Variants in ACAD11 observed in about 807,000 individuals in gnomAD.
ACAD11 encodes acyl-Coenzyme A dehydrogenase family, member 11.
In ACAD11, 83 loss-of-function variants were observed where a neutral mutation model predicts 102.2. The observed-to-expected ratio is 0.81, with a 90% CI of 0.68 to 0.97. The LOEUF is 0.97. Among genes scored for constraint, ACAD11 ranks in the 50% least tolerant of loss-of-function variants. The probability of loss-of-function intolerance (pLI) is 0.00; values close to 1 mark genes in which losing one functional copy is unlikely to be tolerated. For missense variants in ACAD11, 901 were observed against 951.7 expected (o/e 0.95, Z 0.70); for synonymous variants, 324 against 319.8 (o/e 1.01, Z -0.14).
chr3:132,619,845 T>C (rs1288297905), intron 9 of ACAD11, among the ~76,000 whole-genome samples: 1 of 152,182 alleles, frequency 6.6e-6, no homozygotes, highest in Admixed American at 6.5e-5. Context: ...GGTAAAATAT[T>C]AAAAATAGTT....
intron 13 of ACAD11, among the ~76,000 whole-genome samples, chr3:132,595,626 T>A (rs1391666170): frequency 6.6e-6 from 1 of 152,006 alleles, no homozygotes; most frequent in Admixed American, 6.6e-5. Flanking sequence ...TATTAAAAAG[T>A]GGGCAAAGGA....
intron 13 of ACAD11, among the ~76,000 whole-genome samples, chr3:132,596,179 G>A (rs1470066079): frequency 2.6e-5 from 4 of 152,102 alleles, no homozygotes; most frequent in African/African-American, 7.2e-5. Flanking sequence ...CTAACAAAGG[G>A]ACAGAAAGCT....
intron 13 of ACAD11, among the ~76,000 whole-genome samples, chr3:132,598,638 G>A (rs1938420541): frequency 6.6e-6 from 1 of 152,188 alleles, no homozygotes; most frequent in Non-Finnish European, 1.5e-5. Context: ...TATTGAGTAG[G>A]AATTGGCCCT....
chr3:132,567,698 A>G (rs1471983173), intron 17 of ACAD11, among the ~76,000 whole-genome samples: 1 of 152,206 alleles, frequency 6.6e-6, no homozygotes, highest in East Asian at 1.9e-4. Context: ...GAAGAAATGT[A>G]TATCAAATAT....
intron 1 of ACAD11, among the ~76,000 whole-genome samples, chr3:132,658,102 A>G (rs974473458): frequency 3.9e-5 from 6 of 152,116 alleles, no homozygotes; most frequent in African/African-American, 1.2e-4. Context: ...ACCTCAAGTG[A>G]TCCACGTGCC....
intron 17 of ACAD11, among the ~76,000 whole-genome samples, chr3:132,570,378 A>G (rs1937339520): frequency 6.6e-6 from 1 of 152,188 alleles, no homozygotes; most frequent in African/African-American, 2.4e-5. Context: ...AAAAATGTTC[A>G]TCAAGATGAG....
intron 5 of ACAD11, among the ~76,000 whole-genome samples, chr3:132,636,409 T>C (rs1048460323): frequency 2.6e-5 from 4 of 152,184 alleles, no homozygotes; most frequent in Admixed American, 6.5e-5. Context: ...TTTTACACCA[T>C]TGAATTTTAT....
chr3:132,602,947 T>G (rs939751659), intron 13 of ACAD11, among the ~76,000 whole-genome samples: 7 of 151,948 alleles, frequency 4.6e-5, no homozygotes, highest in African/African-American at 1.7e-4. Flanking sequence ...GGATTACAGG[T>G]GCCTGTCACC....
chr3:132,603,732 T>C (rs1938716272), intron 12 of ACAD11, among the ~76,000 whole-genome samples: 1 of 152,246 alleles, frequency 6.6e-6, no homozygotes, highest in African/African-American at 2.4e-5. Flanking sequence ...CAATTTCTAA[T>C]GTGCCTTGCA....
At chr3:132,610,856 C>T (rs1939103962) in intron 11 of ACAD11, among the ~76,000 whole-genome samples, 1 of 152,150 alleles carries the variant, frequency 6.6e-6, no homozygotes, top group Admixed American at 6.5e-5. Flanking sequence ...AGAGGGAATC[C>T]TCCCTAACTC....
intron 4 of ACAD11, among the ~76,000 whole-genome samples, chr3:132,641,740 AT>A (rs1940532658): frequency 6.6e-6 from 1 of 152,072 alleles, no homozygotes; most frequent in Non-Finnish European, 1.5e-5. Flanking sequence ...AAAAAACTGT[AT>A]AGTTAAAAGT....
intron 13 of ACAD11, among the ~76,000 whole-genome samples, chr3:132,582,147 AC>A (rs1387116427): frequency 1.3e-5 from 2 of 152,016 alleles, no homozygotes; most frequent in African/African-American, 2.4e-5. Flanking sequence ...AAATAAAAAA[AC>A]AACAAAAAAC....
chr3:132,605,000 G>A, intron 12 of ACAD11, 98 bp downstream of exon 12: 1 of 916,978 alleles, frequency 1.1e-6, no homozygotes, highest in East Asian at 2.6e-5. Context: ...TGGCAAATTT[G>A]ACTGAAACAC....
intron 1 of ACAD11, 166 bp downstream of exon 1, chr3:132,659,437 C>T: frequency 1.1e-6 from 1 of 922,702 alleles, no homozygotes; most frequent in Non-Finnish European, 1.6e-6. Context: ...CCCCCAGCAT[C>T]GAATTCGGAG....
Position 132,611,384 on chromosome 3 carries a change from CAGG to C in ACAD11, c.1415-6182_1415-6180del, listed in dbSNP as rs1253474365. Among the ~76,000 whole-genome samples the C allele has an allele frequency of 2.0e-5, 3 of 151,970 alleles. No homozygotes were observed. In the East Asian group the frequency reaches 5.9e-4, roughly 30 times the overall value. On this transcript the variant is annotated intron_variant, in intron 11 of 19. Transcript: ENST00000264990. The stretch of plus-strand genomic sequence containing the variant: ...GGAAGTTCTGGCCAGGGCAATCAAG[CAGG>C]AGAAGGAAATAAAGGGCATTCAATT...
chr3:132,615,044 C>T (rs370943495), intron 11 of ACAD11, among the ~76,000 whole-genome samples: 11 of 152,310 alleles, frequency 7.2e-5, no homozygotes, highest in African/African-American at 2.6e-4. Flanking sequence ...CGAAAGAAGA[C>T]ATTTCTGTGC....
intron 15 of ACAD11, 57 bp downstream of exon 15, chr3:132,578,739 C>T: frequency 1.3e-6 from 2 of 1,570,378 alleles, no homozygotes; most frequent in Non-Finnish European, 1.7e-6. Context: ...TTCAATGTTA[C>T]TGCATATTCT....
At chr3:132,619,065 C>T in intron 10 of ACAD11, 2 of 326,064 alleles carry the variant, frequency 6.1e-6, no homozygotes, top group Non-Finnish European at 1.1e-5. Flanking sequence ...ACAAAATCTC[C>T]CACATTTGAG....
chr3:132,618,961 C>A (rs1939511208), intron 10 of ACAD11, 189 bp from the exon 11 acceptor site: 3 of 475,662 alleles, frequency 6.3e-6, no homozygotes, highest in Non-Finnish European at 1.0e-5. Flanking sequence ...AACAGTTTAA[C>A]CATTAATAAC....
Sources: allele counts gnomAD v4.1 joint callset (sites outside exome capture counted in the v4.1 genomes callset), GRCh38; gene constraint gnomAD v4.1.1; transcripts MANE v1.5; gene names NCBI Gene and HGNC (gene_info 2026-07-23, HGNC 2026-07-21).